Variants in ATRX observed in about 807,000 individuals in gnomAD.
The protein encoded by ATRX is chromatin remodeler ATRX.
In ATRX, 12 loss-of-function variants were observed where a neutral mutation model predicts 172.6. That is an observed-to-expected ratio of 0.07 (90% CI 0.04 to 0.11). The LOEUF (loss-of-function observed/expected upper bound fraction) is 0.11, where lower values mean the gene tolerates loss of function less well. Ranked by LOEUF, ATRX falls within the 10% of genes least tolerant of loss-of-function variation. The pLI, the probability that ATRX is intolerant of heterozygous loss-of-function variation, is 1.00. For synonymous variants in ATRX, 674 were observed against 594.7 expected (o/e 1.13, Z -1.94); for missense variants, 1,368 against 1,767.4 (o/e 0.77, Z 4.05).
intron 2 of ATRX, among the ~76,000 whole-genome samples, chrX:77,715,874 C>T (rs1014165578): frequency 1.8e-5 from 2 of 110,953 alleles, no homozygotes; most frequent in Non-Finnish European, 1.9e-5. Context: ...CTATAACTCT[C>T]TTATACTTTT....
At chrX:77,647,144 T>C (rs1380608586) in intron 15 of ATRX, among the ~76,000 whole-genome samples, 5 of 110,966 alleles carry the variant, frequency 4.5e-5, no homozygotes, top group Middle Eastern at 4.6e-3. Flanking sequence ...AGAACACAAA[T>C]ATGTGGAAAT....
At chrX:77,567,007 C>T (rs1391151942) in intron 28 of ATRX, among the ~76,000 whole-genome samples, 2 of 110,973 alleles carry the variant, frequency 1.8e-5, no homozygotes, top group Non-Finnish European at 3.8e-5. Flanking sequence ...GGTTTCTGCA[C>T]ATCAATTAAA....
intron 1 of ATRX, among the ~76,000 whole-genome samples, chrX:77,782,611 G>C (rs1557206055): frequency 9.0e-6 from 1 of 111,309 alleles, no homozygotes; most frequent in African/African-American, 3.3e-5. Flanking sequence ...AAATTGGCCA[G>C]GTGTGGTGGC....
intron 1 of ATRX, among the ~76,000 whole-genome samples, chrX:77,744,189 C>A (rs1456204395): frequency 1.8e-5 from 2 of 111,952 alleles, no homozygotes; most frequent in Admixed American, 9.5e-5. Flanking sequence ...TGGTGGCACA[C>A]GCCTGTAGTC....
At chrX:77,516,452 A>G (rs2063057905) in intron 34 of ATRX, among the ~76,000 whole-genome samples, 1 of 112,148 alleles carries the variant, frequency 8.9e-6, no homozygotes, top group South Asian at 3.7e-4. Flanking sequence ...ACATCAGCCA[A>G]AACAGATTTC....
At chrX:77,519,062 T>C (rs980781517) in intron 34 of ATRX, among the ~76,000 whole-genome samples, 12 of 111,877 alleles carry the variant, frequency 1.1e-4, no homozygotes, top group African/African-American at 3.9e-4. Flanking sequence ...AGAAAAACAC[T>C]GGGCAAACTG....
Position 77,670,388 on chromosome X carries a change from A to T in ATRX, c.3810-5610T>A, listed in dbSNP as rs1193671636. On this transcript the variant is annotated intron_variant, in intron 10 of 34. Transcript: ENST00000373344. The stretch of plus-strand genomic sequence containing the variant: ...TAATTCAAAGGAGTATAGCCAAGGA[A>T]TGTTAAATATTTTAGTAGGGTGTGA... Among the ~76,000 whole-genome samples, 3 of 112,381 alleles carry T rather than the reference A, an allele frequency of 2.7e-5. No individual in the cohort carries two copies. The East Asian group carries it at 8.4e-4, about 31-fold the overall frequency.
intron 22 of ATRX, among the ~76,000 whole-genome samples, chrX:77,604,381 C>A (rs148886313): frequency 2.7e-5 from 3 of 112,107 alleles, no homozygotes; most frequent in African/African-American, 6.5e-5. Context: ...AAATGGCCAA[C>A]AAGCATATGA....
intron 1 of ATRX, among the ~76,000 whole-genome samples, chrX:77,756,151 G>C (rs1557190086): frequency 2.7e-5 from 3 of 111,487 alleles, no homozygotes; most frequent in Non-Finnish European, 5.7e-5. Context: ...TGCTGTCAGG[G>C]GAAAACTGCC....
chrX:77,508,651 C>T, intron 34 of ATRX, 22 bp from the exon 35 acceptor site: 1 of 1,209,266 alleles, frequency 8.3e-7, no homozygotes, highest in East Asian at 3.0e-5. Context: ...AAATGGGAGT[C>T]ATTACAAGTG....
chrX:77,638,387 C>T (rs782417325), intron 15 of ATRX, among the ~76,000 whole-genome samples: 1 of 112,891 alleles, frequency 8.9e-6, no homozygotes, highest in African/African-American at 3.2e-5. Context: ...GCAGGAGAAT[C>T]GCTTGAACCT....
intron 2 of ATRX, among the ~76,000 whole-genome samples, chrX:77,711,972 G>A (rs2073134038): frequency 8.9e-6 from 1 of 112,261 alleles, no homozygotes; most frequent in Non-Finnish European, 1.9e-5. Context: ...GTTGGAATCT[G>A]GAGTGCACTT....
rs1256146488 is a variant in ATRX at position 77,504,883 on chromosome X, T to A, written c.*3468A>T. ...TATTGAGCTTTGACACAGTATATAT[T>A]TCGGATTTAAAACTTTATTCACCCC... is the stretch of plus-strand genomic sequence containing the variant. On this transcript the variant is annotated 3_prime_UTR_variant, in exon 35 of 35. Coordinates refer to ENST00000373344, the MANE Select transcript of ATRX (RefSeq NM_000489.6). The A allele has an allele frequency of 1.4e-5, 2 of 144,079 alleles. No homozygotes were observed. Among genetic ancestry groups the A allele is most frequent in the African/African-American group, 6.3e-5 (2 of 31,920 alleles). The allele number at this position is 144,079 out of a possible 1,213,427, so 11.9% of individuals were successfully genotyped here. A position where few individuals can be genotyped will look rare whatever the true frequency, so the allele number is the denominator to read the frequency against.
chrX:77,551,917 GAGAT>G (rs1455807894), intron 30 of ATRX, among the ~76,000 whole-genome samples: 1 of 111,859 alleles, frequency 8.9e-6, no homozygotes, highest in Non-Finnish European at 1.9e-5. Flanking sequence ...AAACCACAAT[GAGAT>G]ACCATCTCAT....
At chrX:77,539,156 G>C (rs1284809288) in intron 30 of ATRX, among the ~76,000 whole-genome samples, 1 of 110,588 alleles carries the variant, frequency 9.0e-6, no homozygotes, top group African/African-American at 3.3e-5. Flanking sequence ...GCCTCCTAAA[G>C]TGCTGGGATT....
intron 34 of ATRX, among the ~76,000 whole-genome samples, chrX:77,519,699 T>A (rs2063165398): frequency 8.9e-6 from 1 of 112,045 alleles, no homozygotes; most frequent in Admixed American, 9.5e-5. Flanking sequence ...TTGTGTACAC[T>A]GTTGTTAGTA....
intron 19 of ATRX, among the ~76,000 whole-genome samples, chrX:77,631,551 G>A (rs782054288): frequency 3.6e-5 from 4 of 111,135 alleles, no homozygotes; most frequent in Non-Finnish European, 5.7e-5. Flanking sequence ...ATGTACCCCC[G>A]ATATGAGATA....
chrX:77,573,083 C>A (rs1394580995), intron 28 of ATRX, among the ~76,000 whole-genome samples: 3 of 111,870 alleles, frequency 2.7e-5, no homozygotes, highest in African/African-American at 9.7e-5. Flanking sequence ...TATACGTATG[C>A]GTATGTGCAT....
intron 26 of ATRX, among the ~76,000 whole-genome samples, chrX:77,590,686 A>G (rs1349697104): frequency 9.1e-6 from 1 of 110,255 alleles, no homozygotes; most frequent in Non-Finnish European, 1.9e-5. Context: ...CAATGGTCTT[A>G]GCAAAACTGA....
Sources: allele counts gnomAD v4.1 joint callset (sites outside exome capture counted in the v4.1 genomes callset), GRCh38; gene constraint gnomAD v4.1.1; transcripts MANE v1.5; gene names NCBI Gene and HGNC (gene_info 2026-07-23, HGNC 2026-07-21).